Variants in HERC1 observed in about 807,000 individuals in gnomAD.
HERC1 encodes probable E3 ubiquitin-protein ligase HERC1.
A neutral mutation model predicts 554.3 loss-of-function variants in HERC1; 160 were observed. That is an observed-to-expected ratio of 0.29 (90% confidence interval 0.25 to 0.33). The LOEUF (loss-of-function observed/expected upper bound fraction) is 0.33, where lower values mean the gene tolerates loss of function less well. Among genes scored for constraint, HERC1 ranks in the 10% least tolerant of loss-of-function variants. The probability of loss-of-function intolerance (pLI) is 1.00; values close to 1 mark genes in which losing one functional copy is unlikely to be tolerated. For synonymous variants in HERC1, 2,175 were observed against 2,131.7 expected (o/e 1.02, Z -0.56); for missense variants, 4,919 against 5,918.5 (o/e 0.83, Z 5.54).
intron 1 of HERC1, among the ~76,000 whole-genome samples, chr15:63,776,735 G>A (rs956207612): frequency 6.6e-6 from 1 of 152,184 alleles, no homozygotes; most frequent in Non-Finnish European, 1.5e-5. Flanking sequence ...GGACGCCAAG[G>A]CAGGAGGACT....
chr15:63,654,235 C>A lies in HERC1; in HGVS notation c.10174G>T (p.Val3392Leu), dbSNP rs764959342. The change falls in exon 51 of 78, where the codon GTG (valine) becomes TTG (leucine). Residue 3392 changes from valine to leucine, a missense_variant. Coordinates refer to ENST00000443617, the MANE Select transcript of HERC1 (RefSeq NM_003922.4). ...CGGTCGTGTGCAGCAAGAGTGCGCACGAGTTGCTGAGCTGCCCATTGCCGA... is the reference window on the plus strand; with the variant it reads ...CGGTCGTGTGCAGCAAGAGTGCGCAAGAGTTGCTGAGCTGCCCATTGCCGA... ...QHRQWAAQQL[V>L]RTLAAHDRDN... is the part of the protein sequence containing the mutation. 14 of 1,613,832 alleles carry A rather than the reference C, an allele frequency of 8.7e-6. No individual in the cohort carries two copies. Among genetic ancestry groups the A allele is most frequent in the East Asian group, 2.2e-5 (1 of 44,892 alleles).
chr15:63,686,515 T>C lies in HERC1; in HGVS notation c.6069A>G (p.Glu2023=), dbSNP rs2071771713. The part of the protein sequence containing the change: ...IKLQKQGELE[E]EDENLPIQEV... The stretch of plus-strand genomic sequence containing the variant: ...CTTGGATAGGAAGATTCTCATCTTC[T>C]TCTTCCAACTCGCCCTGCTTCTACC... The change falls in exon 34 of 78, where the codon GAA becomes GAG. Residue 2023 remains glutamate (E), a synonymous_variant. Transcript: ENST00000443617. 1 of 1,613,116 alleles carries C rather than the reference T, an allele frequency of 6.2e-7. No homozygotes were observed. The highest frequency in any genetic ancestry group is 1.3e-5 in the African/African-American group (1 of 74,896).
At chr15:63,777,834 AT>A (rs1350734449) in intron 1 of HERC1, among the ~76,000 whole-genome samples, 2 of 152,156 alleles carry the variant, frequency 1.3e-5, no homozygotes, top group Middle Eastern at 3.4e-3. Context: ...TTCTTGAGAG[AT>A]TTTTTTTAAA....
rs747391229 is a variant in HERC1 at position 63,661,913 on chromosome 15, G to A, written c.9010C>T (p.Arg3004Cys). The stretch of plus-strand genomic sequence containing the variant: ...CGATAGCCCTGGCGGTTTGCACTGC[G>A]CCCACAGCCTGGATGGTTTCTCTTC... Reference protein sequence around the residue: ...HMKRNHPGCGRSANRQGYRSN... With the variant: ...HMKRNHPGCGCSANRQGYRSN... Residue 3004 changes from arginine to cysteine, a missense_variant, in exon 45 of 78, where the codon CGC becomes TGC. Around this residue, in one of 11 missense-constraint regions of HERC1, gnomAD observed 1,963 missense variants for 2,228.6 expected, o/e 0.88. Transcript: ENST00000443617. 19 of 1,613,770 alleles carry A rather than the reference G, an allele frequency of 1.2e-5. No homozygotes were observed. The highest frequency in any genetic ancestry group is 5.5e-5 in the South Asian group (5 of 91,080).
intron 1 of HERC1, among the ~76,000 whole-genome samples, chr15:63,809,433 A>G (rs1254576443): frequency 2.0e-5 from 3 of 152,242 alleles, no homozygotes; most frequent in Non-Finnish European, 4.4e-5. Context: ...TAAAAGACTC[A>G]GAACCTCAAA....
intron 14 of HERC1, among the ~76,000 whole-genome samples, chr15:63,731,164 C>T (rs1567062424): frequency 1.3e-5 from 2 of 152,156 alleles, no homozygotes. Context: ...AACCACTCCT[C>T]TATTTTTAGA....
At chr15:63,786,595 C>A (rs1201720934) in intron 1 of HERC1, among the ~76,000 whole-genome samples, 1 of 152,164 alleles carries the variant, frequency 6.6e-6, no homozygotes, top group Admixed American at 6.5e-5. Context: ...AATACTGATA[C>A]ATGCTATAAT....
intron 1 of HERC1, among the ~76,000 whole-genome samples, chr15:63,776,053 A>AG (rs71287039): frequency 3.3e-5 from 5 of 151,506 alleles, no homozygotes; most frequent in Admixed American, 1.3e-4. Flanking sequence ...AAAAAAAAAA[A>AG]GTTTATGTTA....
rs148358840 is a variant in HERC1, at chr15:63,694,996, C to A, written c.5122-102G>T. 8.4e-6 allele frequency: 9 copies of A among 1,073,884 alleles called. No homozygotes were observed. The African/African-American group carries it at 1.3e-4, about 16-fold the overall frequency. 66.5% of individuals were successfully genotyped at this position (1,073,884 alleles called of 1,614,324 possible). On this transcript the variant is annotated intron_variant, in intron 27 of 77. Coordinates refer to ENST00000443617, the MANE Select transcript of HERC1 (RefSeq NM_003922.4). This position sits in a 1 kb window ranked among gnomAD's most constrained non-coding sequence, Gnocchi z 4.3. ...ATTTCTAGTCTATGCTAGAGCCTTA[C>A]GATGGTTTTTAATTATTTACTATAT...
In HERC1 at chr15:63,718,820, G is replaced by GT; in HGVS notation, c.3819dup (p.His1274ThrfsTer6). The GT allele has an allele frequency of 6.2e-7, 1 of 1,613,656 alleles. No homozygotes were observed. Among genetic ancestry groups the GT allele is most frequent in the Non-Finnish European group, 8.5e-7 (1 of 1,179,660 alleles). ...CATGCTTGACTAAGTAAATTTGTGT[G>GT]TTTCAGAAGAGCTGCAAGAACAAAT... On this transcript the variant is annotated frameshift_variant, in exon 20 of 78. Transcript: ENST00000443617. LOFTEE classifies it high-confidence loss of function. The surrounding 1 kb of genome is among the most constrained non-coding windows in gnomAD (Gnocchi z 4.2).
chr15:63,684,119 G>A (rs917818125), intron 34 of HERC1, among the ~76,000 whole-genome samples: 4 of 152,164 alleles, frequency 2.6e-5, no homozygotes, highest in African/African-American at 7.2e-5. Flanking sequence ...TGTGTTTTCT[G>A]GGGGCAATAT....
chr15:63,729,317 G>A lies in HERC1; in HGVS notation c.3073C>T (p.His1025Tyr). ...GAACGTGAATAAATATCTGTGGCAT[G>A]AGGCAACAAAAGCTGAAGATGTTTA... ...LHKHLQLLLP[H>Y]ATDIYSRSAN... The change falls in exon 16 of 78, where the codon CAT (histidine) becomes TAT (tyrosine). Residue 1025 changes from histidine (H) to tyrosine (Y), a missense_variant. Around this residue, in one of 11 missense-constraint regions of HERC1, gnomAD observed 1,121 missense variants for 1,244.0 expected, o/e 0.90. Transcript: ENST00000443617. The A allele has an allele frequency of 1.2e-6, 2 of 1,611,240 alleles. No homozygotes were observed. Among genetic ancestry groups the A allele is most frequent in the Non-Finnish European group, 1.7e-6 (2 of 1,178,620 alleles).
chr15:63,724,460 C>T (rs1446797122), intron 18 of HERC1, among the ~76,000 whole-genome samples: 1 of 152,234 alleles, frequency 6.6e-6, no homozygotes, highest in Non-Finnish European at 1.5e-5. Flanking sequence ...CTCACTCCCA[C>T]TCTCCAACCC....
At chr15:63,759,789 G>C (rs117039403) in intron 3 of HERC1, among the ~76,000 whole-genome samples, 293 of 152,306 alleles carry the variant, frequency 1.9e-3, no homozygotes, top group Non-Finnish European at 3.2e-3. Context: ...CAACATATTA[G>C]TTTGCTAGCA....
intron 1 of HERC1, chr15:63,780,000 G>A (rs1172629928): frequency 1.8e-5 from 2 of 112,390 alleles, no homozygotes; most frequent in African/African-American, 3.7e-5. Context: ...GCGACAGAGG[G>A]AGACTCCATC....
intron 2 of HERC1, among the ~76,000 whole-genome samples, chr15:63,769,662 T>C (rs947723222): frequency 6.6e-6 from 1 of 151,988 alleles, no homozygotes. Flanking sequence ...GAGACCAGCC[T>C]GGCCAACATG....
Position 63,821,668 on chromosome 15 carries a change from A to C in HERC1, c.-27+12159T>G, listed in dbSNP as rs540667668. Among the ~76,000 whole-genome samples the C allele has an allele frequency of 4.0e-5, 6 of 149,108 alleles. No homozygotes were observed. In the South Asian group the frequency reaches 1.1e-3, roughly 27 times the overall value. On this transcript the variant is annotated intron_variant, in intron 1 of 77. Transcript: ENST00000443617. ...CTGAGTCTTGGGAGGTCAAGGCTGTAATGAGCCATGATCCCACCACTGCAC... is the reference window on the plus strand; with the variant it reads ...CTGAGTCTTGGGAGGTCAAGGCTGTCATGAGCCATGATCCCACCACTGCAC...
chr15:63,828,236 G>A (rs987774036), intron 1 of HERC1, among the ~76,000 whole-genome samples: 6 of 152,038 alleles, frequency 3.9e-5, no homozygotes, highest in African/African-American at 1.4e-4. Context: ...AAACTAAAGA[G>A]ACTATGTACC....
intron 70 of HERC1, among the ~76,000 whole-genome samples, chr15:63,626,660 T>C (rs2068313861): frequency 6.6e-6 from 1 of 152,200 alleles, no homozygotes; most frequent in South Asian, 2.1e-4. Flanking sequence ...AGGCTTTTAC[T>C]ACAAGAATAA....
Sources: allele counts gnomAD v4.1 joint callset (sites outside exome capture counted in the v4.1 genomes callset), GRCh38; gene constraint gnomAD v4.1.1; regional missense constraint gnomAD v4.1.1; non-coding constraint Gnocchi (gnomAD v3.1); transcripts MANE v1.5; gene names NCBI Gene and HGNC (gene_info 2026-07-23, HGNC 2026-07-21).